The following GADD45B variants were observed in gnomAD, a reference collection of about 807,000 sequenced individuals.
GADD45B encodes the protein growth arrest and DNA damage-inducible protein GADD45 beta.
In GADD45B, 8 loss-of-function variants were observed where a neutral mutation model predicts 15.2. The ratio of observed to expected loss-of-function variants is 0.53; its 90% CI spans 0.31 to 0.95. GADD45B has a LOEUF of 0.95. Among genes scored for constraint, GADD45B ranks in the 40% least tolerant of loss-of-function variants. The pLI is 0.05. For synonymous variants in GADD45B, 100 were observed against 89.8 expected (o/e 1.11, Z -0.64); for missense variants, 162 against 216.6 (o/e 0.75, Z 1.58).
chr19:2,476,742 C>T (rs191275929), intron 2 of GADD45B, 112 bp downstream of exon 2: 72 of 684,356 alleles, frequency 1.1e-4, no homozygotes, highest in East Asian at 7.9e-4. Flanking sequence ...CCCAAGTGCC[C>T]CCCGCTGTGG....
Position 2,477,369 on chromosome 19 carries a change from G to T in GADD45B, c.369+118G>T. ...CGCTCAGCCACGTTTGGCATGTCCCGTGGGCAGCCGGGCTGGGGCCTCCTC... is the reference window on the plus strand; with the variant it reads ...CGCTCAGCCACGTTTGGCATGTCCCTTGGGCAGCCGGGCTGGGGCCTCCTC... On this transcript the variant is annotated intron_variant, in intron 3 of 3. Coordinates refer to ENST00000215631, the MANE Select transcript of GADD45B (RefSeq NM_015675.4). The surrounding 1 kb of genome is among the most constrained non-coding windows in gnomAD (Gnocchi z 4.2). 2.0e-6 allele frequency: 2 copies of T among 1,011,024 alleles called. No homozygotes were observed. The highest frequency in any genetic ancestry group is 2.9e-6 in the Non-Finnish European group (2 of 685,732). The allele number at this position is 1,011,024 out of a possible 1,614,324, so 62.6% of individuals were successfully genotyped here.
Position 2,476,145 on chromosome 19 carries a change from A to T in GADD45B, c.-214A>T, listed in dbSNP as rs1361626029. 1.2e-5 allele frequency: 7 copies of T among 605,600 alleles called. No individual in the cohort carries two copies. The East Asian group carries it at 1.9e-4, about 17-fold the overall frequency. 37.5% of individuals were successfully genotyped at this position (605,600 alleles called of 1,614,324 possible). A position where few individuals can be genotyped will look rare whatever the true frequency, so the allele number is the denominator to read the frequency against. ...CCAGCTCAGATCGCCGAAGCGTCGG[A>T]CTACCGTTGGTTTCCGCAACTTCCT... On this transcript the variant is annotated 5_prime_UTR_variant, in exon 1 of 4. Transcript: ENST00000215631.
intron 1 of GADD45B, 59 bp from the exon 2 acceptor site, chr19:2,476,470 G>A: frequency 1.2e-6 from 2 of 1,602,574 alleles, no homozygotes; most frequent in East Asian, 2.2e-5. Flanking sequence ...GGCCGGGCCG[G>A]GAGCGGAACG....
At position 2,477,521 on chromosome 19, in the gene GADD45B, T is replaced by C. The variant is rs1462274587; in HGVS notation, c.403T>C (p.Leu135=). Residue 135 remains leucine (L), a synonymous_variant, in exon 4 of 4, where the codon TTG becomes CTG. Coordinates refer to ENST00000215631, the MANE Select transcript of GADD45B (RefSeq NM_015675.4). The surrounding 1 kb of genome is among the most constrained non-coding windows in gnomAD (Gnocchi z 4.2). ...PHTDAWKSHG[L]VEVASYCEES... ...CACGGACGCCTGGAAGAGCCACGGCTTGGTGGAGGTGGCCAGCTACTGCGA... is the reference window on the plus strand; with the variant it reads ...CACGGACGCCTGGAAGAGCCACGGCCTGGTGGAGGTGGCCAGCTACTGCGA... The C allele has an allele frequency of 6.2e-7, 1 of 1,613,688 alleles. No homozygotes were observed. Among genetic ancestry groups the C allele is most frequent in the African/African-American group, 1.3e-5 (1 of 74,934 alleles).
intron 2 of GADD45B, 37 bp downstream of exon 2, chr19:2,476,667 G>C (rs776192378): frequency 1.6e-6 from 2 of 1,261,808 alleles, no homozygotes; most frequent in African/African-American, 3.0e-5. Flanking sequence ...GGCGCGGGTG[G>C]GACGGGACCT....
chr19:2,477,697 A>C lies in GADD45B; in HGVS notation c.*96A>C. 2.9e-4 allele frequency: 143 copies of C among 499,842 alleles called. No homozygotes were observed. The highest frequency in any genetic ancestry group is 5.2e-4 in the East Asian group (13 of 25,124). 31.0% of individuals were successfully genotyped at this position (499,842 alleles called of 1,614,324 possible). A position where few individuals can be genotyped will look rare whatever the true frequency, so the allele number is the denominator to read the frequency against. ...CTCCCCCCCAGCACAACCCCCCCAA[A>C]ACAACCCAACCCACGAGGACCATCG... On this transcript the variant is annotated 3_prime_UTR_variant, in exon 4 of 4. Transcript: ENST00000215631. This position sits in a 1 kb window ranked among gnomAD's most constrained non-coding sequence, Gnocchi z 4.2.
Position 2,477,385 on chromosome 19 carries a change from G to A in GADD45B, c.370-103G>A. 1 of 1,006,580 alleles carries A rather than the reference G, an allele frequency of 9.9e-7. No homozygotes were observed. The highest frequency in any genetic ancestry group is 1.5e-6 in the Non-Finnish European group (1 of 675,716). The allele number at this position is 1,006,580 out of a possible 1,614,324, so 62.4% of individuals were successfully genotyped here. On this transcript the variant is annotated intron_variant, in intron 3 of 3. Transcript: ENST00000215631. This position sits in a 1 kb window ranked among gnomAD's most constrained non-coding sequence, Gnocchi z 4.2. ...GCATGTCCCGTGGGCAGCCGGGCTG[G>A]GGCCTCCTCACCCAGGAAGCTATTT...
rs1286142571 is a variant in GADD45B, at chr19:2,477,473, T to A, written c.370-15T>A. ...GAGGGAGGCTCCACTAAACCCCTTC[T>A]TTTCCCTCCTACAGAACCCTCACAC... On this transcript the variant is annotated splice_polypyrimidine_tract_variant and intron_variant, in intron 3 of 3. Transcript: ENST00000215631. The surrounding 1 kb of genome is among the most constrained non-coding windows in gnomAD (Gnocchi z 4.2). The A allele has an allele frequency of 1.9e-6, 3 of 1,574,256 alleles. No individual in the cohort carries two copies. The highest frequency in any genetic ancestry group is 1.7e-6 in the Non-Finnish European group (2 of 1,144,954).
Position 2,477,513 on chromosome 19 carries a change from G to A in GADD45B, c.395G>A (p.Ser132Asn), listed in dbSNP as rs752861392. 1.2e-6 allele frequency: 2 copies of A among 1,613,624 alleles called. No homozygotes were observed. The highest frequency in any genetic ancestry group is 2.2e-5 in the South Asian group (2 of 91,052). ...VTNPHTDAWK[S>N]HGLVEVASYC... ...AACCCTCACACGGACGCCTGGAAGA[G>A]CCACGGCTTGGTGGAGGTGGCCAGC... is the stretch of plus-strand genomic sequence containing the variant. Residue 132 changes from serine to asparagine, a missense_variant, in exon 4 of 4, where the codon AGC (serine) becomes AAC (asparagine). Ser to Asn is a conservative substitution (Grantham distance 46). Transcript: ENST00000215631. The surrounding 1 kb of genome is among the most constrained non-coding windows in gnomAD (Gnocchi z 4.2).
Position 2,477,053 on chromosome 19 carries a change from C to T in GADD45B, c.171C>T (p.Cys57=), listed in dbSNP as rs560933813. 1 of 1,613,548 alleles carries T rather than the reference C, an allele frequency of 6.2e-7. No homozygotes were observed. Among genetic ancestry groups the T allele is most frequent in the South Asian group, 1.1e-5 (1 of 91,074 alleles). Residue 57 remains cysteine, a synonymous_variant, in exon 3 of 4, where the codon TGC becomes TGT. Transcript: ENST00000215631. This position sits in a 1 kb window ranked among gnomAD's most constrained non-coding sequence, Gnocchi z 4.2. ...GGGACCCAGACAGCGTGGTCCTCTG[C>T]CTCTTGGCCATTGACGAGGAGGAGG... ...MNVDPDSVVL[C]LLAIDEEEED... is the part of the protein sequence containing the mutation.
At position 2,477,577 on chromosome 19, in the gene GADD45B, C is replaced by T; in HGVS notation, c.459C>T (p.Pro153=). Residue 153 remains proline (P), a synonymous_variant, in exon 4 of 4, where the codon CCC becomes CCT. Transcript: ENST00000215631. The surrounding 1 kb of genome is among the most constrained non-coding windows in gnomAD (Gnocchi z 4.2). ...EESRGNNQWV[P]YISLQER The stretch of plus-strand genomic sequence containing the variant: ...GCCGGGGCAACAACCAGTGGGTCCC[C>T]TACATCTCTCTTCAGGAACGCTGAG... 1 of 1,607,456 alleles carries T rather than the reference C, an allele frequency of 6.2e-7. No homozygotes were observed. Among genetic ancestry groups the T allele is most frequent in the Non-Finnish European group, 8.5e-7 (1 of 1,174,078 alleles).
Position 2,477,092 on chromosome 19 carries a change from C to T in GADD45B, c.210C>T (p.Ala70=), listed in dbSNP as rs528287960. The part of the protein sequence containing the change: ...AIDEEEEDDI[A]LQIHFTLIQS... The stretch of plus-strand genomic sequence containing the variant: ...ACGAGGAGGAGGAGGATGACATCGC[C>T]CTGCAAATCCACTTCACGCTCATCC... Residue 70 remains alanine, a synonymous_variant, in exon 3 of 4, where the codon GCC becomes GCT. Coordinates refer to ENST00000215631, the MANE Select transcript of GADD45B (RefSeq NM_015675.4). This position sits in a 1 kb window ranked among gnomAD's most constrained non-coding sequence, Gnocchi z 4.2. The T allele has an allele frequency of 2.0e-5, 32 of 1,614,004 alleles. No individual in the cohort carries two copies. In the East Asian group the frequency reaches 4.9e-4, roughly 25 times the overall value.
At position 2,477,556 on chromosome 19, in the gene GADD45B, G is replaced by A; in HGVS notation, c.438G>A (p.Arg146=). ...TGGCCAGCTACTGCGAAGAAAGCCGGGGCAACAACCAGTGGGTCCCCTACA... is the reference window on the plus strand; with the variant it reads ...TGGCCAGCTACTGCGAAGAAAGCCGAGGCAACAACCAGTGGGTCCCCTACA... ...VEVASYCEES[R]GNNQWVPYIS... The change falls in exon 4 of 4, where the codon CGG becomes CGA. Residue 146 remains arginine, a synonymous_variant. Transcript: ENST00000215631. The surrounding 1 kb of genome is among the most constrained non-coding windows in gnomAD (Gnocchi z 4.2). 6.2e-7 allele frequency: 1 copy of A among 1,613,622 alleles called. No individual in the cohort carries two copies. Among genetic ancestry groups the A allele is most frequent in the Non-Finnish European group, 8.5e-7 (1 of 1,179,606 alleles).
At chr19:2,476,909 T>G in intron 2 of GADD45B, 120 bp from the exon 3 acceptor site, 1 of 631,142 alleles carries the variant, frequency 1.6e-6, no homozygotes, top group African/African-American at 1.9e-5. Flanking sequence ...GCAGAGGCAA[T>G]CCCCTGCACC....
At position 2,477,445 on chromosome 19, in the gene GADD45B, G is replaced by A. The variant is rs748419548; in HGVS notation, c.370-43G>A. On this transcript the variant is annotated intron_variant, in intron 3 of 3. Transcript: ENST00000215631. This position sits in a 1 kb window ranked among gnomAD's most constrained non-coding sequence, Gnocchi z 4.2. ...CTGTTTTCCCCACACAGGGGCCCCG[G>A]GAGAGGGAGGCTCCACTAAACCCCT... is the stretch of plus-strand genomic sequence containing the variant. The A allele has an allele frequency of 1.5e-6, 2 of 1,379,056 alleles. No individual in the cohort carries two copies. Among genetic ancestry groups the A allele is most frequent in the Admixed American group, 3.6e-5 (2 of 55,390 alleles). 85.4% of individuals were successfully genotyped at this position (1,379,056 alleles called of 1,614,324 possible). A position where few individuals can be genotyped will look rare whatever the true frequency, so the allele number is the denominator to read the frequency against.
rs1972329939 is a variant in GADD45B at position 2,477,226 on chromosome 19, G to A, written c.344G>A (p.Arg115Gln). 6.3e-7 allele frequency: 1 copy of A among 1,595,240 alleles called. No homozygotes were observed. The highest frequency in any genetic ancestry group is 1.3e-5 in the African/African-American group (1 of 74,790). Residue 115 changes from arginine (R) to glutamine (Q), a missense_variant, in exon 3 of 4, where the codon CGA becomes CAA. Physicochemically the swap from Arg to Gln is conservative, Grantham distance 43. Coordinates refer to ENST00000215631, the MANE Select transcript of GADD45B (RefSeq NM_015675.4). This position sits in a 1 kb window ranked among gnomAD's most constrained non-coding sequence, Gnocchi z 4.2. ...GAGACCCAGGGCACCACCGAGGCCC[G>A]AGACCTGCATTGTCTCCTGGTCACG... is the stretch of plus-strand genomic sequence containing the variant. Reference protein sequence around the residue: ...PAETQGTTEARDLHCLLVTNP... With the variant: ...PAETQGTTEAQDLHCLLVTNP...
In GADD45B at chr19:2,476,161, G is replaced by C; in HGVS notation, c.-198G>C. ...AAGCGTCGGACTACCGTTGGTTTCC[G>C]CAACTTCCTGGATTATCCTCGCCAA... is the stretch of plus-strand genomic sequence containing the variant. On this transcript the variant is annotated 5_prime_UTR_variant, in exon 1 of 4. Transcript: ENST00000215631. The C allele has an allele frequency of 6.4e-6, 4 of 624,470 alleles. No individual in the cohort carries two copies. Among genetic ancestry groups the C allele is most frequent in the Non-Finnish European group, 1.1e-5 (4 of 353,450 alleles). The allele number at this position is 624,470 out of a possible 1,614,324, so 38.7% of individuals were successfully genotyped here.
At position 2,477,389 on chromosome 19, in the gene GADD45B, C is replaced by T. The variant is rs1972332551; in HGVS notation, c.370-99C>T. ...GTCCCGTGGGCAGCCGGGCTGGGGC[C>T]TCCTCACCCAGGAAGCTATTTTGAG... On this transcript the variant is annotated intron_variant, in intron 3 of 3. Transcript: ENST00000215631. The surrounding 1 kb of genome is among the most constrained non-coding windows in gnomAD (Gnocchi z 4.2). 2.0e-6 allele frequency: 2 copies of T among 1,019,188 alleles called. No individual in the cohort carries two copies. Among genetic ancestry groups the T allele is most frequent in the African/African-American group, 1.6e-5 (1 of 62,672 alleles). 63.1% of individuals were successfully genotyped at this position (1,019,188 alleles called of 1,614,324 possible).
Position 2,477,907 on chromosome 19 carries a change from G to A in GADD45B, c.*306G>A. 3.8e-6 allele frequency: 1 copy of A among 260,438 alleles called. No individual in the cohort carries two copies. Among genetic ancestry groups the A allele is most frequent in the Non-Finnish European group, 7.7e-6 (1 of 130,284 alleles). 16.1% of individuals were successfully genotyped at this position (260,438 alleles called of 1,614,324 possible). ...GATGGAGCAGAAGCCGGAGTGGCGGGGCACGCTGCCGCCTTCCCCATCACG... is the reference window on the plus strand; with the variant it reads ...GATGGAGCAGAAGCCGGAGTGGCGGAGCACGCTGCCGCCTTCCCCATCACG... On this transcript the variant is annotated 3_prime_UTR_variant, in exon 4 of 4. Coordinates refer to ENST00000215631, the MANE Select transcript of GADD45B (RefSeq NM_015675.4). The surrounding 1 kb of genome is among the most constrained non-coding windows in gnomAD (Gnocchi z 4.2).
Sources: gnomAD v4.1 joint callset for allele counts on GRCh38, gnomAD v4.1.1 for gene constraint, Gnocchi (gnomAD v3.1) non-coding constraint, MANE v1.5 for transcripts, NCBI Gene and HGNC (gene_info 2026-07-23, HGNC 2026-07-21) for gene names.